Variants in TOX2 observed in about 807,000 individuals in gnomAD.
The protein encoded by TOX2 is granulosa cell HMG box 1.
In TOX2, 15 loss-of-function variants were observed where a neutral mutation model predicts 47.4. The ratio of observed to expected loss-of-function variants is 0.32; its 90% CI spans 0.21 to 0.49. The LOEUF (loss-of-function observed/expected upper bound fraction) is 0.49, where lower values mean the gene tolerates loss of function less well. TOX2 is among the 20% of genes least tolerant of loss of function. TOX2 has a pLI of 0.99. For missense variants in TOX2, 622 were observed against 673.1 expected, an observed-to-expected ratio of 0.92 and a Z score of 0.84; for synonymous variants, 290 against 296.6, an observed-to-expected ratio of 0.98 and a Z score of 0.23.
At chr20:44,034,121 G>A (rs2071200745) in intron 3 of TOX2, among the ~76,000 whole-genome samples, 1 of 152,118 alleles carries the variant, frequency 6.6e-6, no homozygotes, top group Non-Finnish European at 1.5e-5. Context: ...CAGGCTCCAG[G>A]CAGCTTGCAG....
intron 8 of TOX2, among the ~76,000 whole-genome samples, chr20:44,068,265 A>G (rs1467049390): frequency 6.6e-6 from 1 of 151,962 alleles, no homozygotes; most frequent in Middle Eastern, 3.4e-3. Context: ...TGGAGGTCAG[A>G]CCCCAGCAGG....
At chr20:43,955,722 C>A (rs1261891225) in intron 1 of TOX2, among the ~76,000 whole-genome samples, 1 of 152,218 alleles carries the variant, frequency 6.6e-6, no homozygotes, top group Non-Finnish European at 1.5e-5. Context: ...TGGCTCCAAA[C>A]CTGCTTCTCA....
At chr20:44,022,452 G>A (rs901306721) in intron 3 of TOX2, among the ~76,000 whole-genome samples, 1 of 152,230 alleles carries the variant, frequency 6.6e-6, no homozygotes, top group Non-Finnish European at 1.5e-5. Context: ...TTACGTGTGA[G>A]CTGTCTCTTT....
intron 1 of TOX2, among the ~76,000 whole-genome samples, chr20:43,925,388 GT>G (rs895982060): frequency 4.6e-5 from 7 of 152,262 alleles, no homozygotes; most frequent in African/African-American, 1.7e-4. Flanking sequence ...CTCTATTGCG[GT>G]GTGGGATGAG....
At chr20:44,060,202 C>T (rs1352813598) in intron 5 of TOX2, among the ~76,000 whole-genome samples, 4 of 152,012 alleles carry the variant, frequency 2.6e-5, no homozygotes, top group South Asian at 2.1e-4. Flanking sequence ...GAAAATATCA[C>T]GATCCTAAAT....
Position 44,019,386 on chromosome 20 carries a change from C to T in TOX2, c.411+12594C>T, listed in dbSNP as rs115017761. ...GGATGGGACCCTGATTCTTTTGACCCCAAGTGCTTTATGTCCTCAACACAA... is the reference window on the plus strand; with the variant it reads ...GGATGGGACCCTGATTCTTTTGACCTCAAGTGCTTTATGTCCTCAACACAA... On this transcript the variant is annotated intron_variant, in intron 3 of 8. Coordinates refer to ENST00000341197, the MANE Select transcript of TOX2 (RefSeq NM_001098797.2). Among the ~76,000 whole-genome samples, 884 of 152,318 alleles carry T rather than the reference C, an allele frequency of 5.8e-3. 9 individuals are homozygous for T. The highest frequency in any genetic ancestry group is 0.02 in the African/African-American group (829 of 41,562).
chr20:44,044,975 A>C (rs1362973670), intron 3 of TOX2, among the ~76,000 whole-genome samples: 1 of 152,226 alleles, frequency 6.6e-6, no homozygotes, highest in Admixed American at 6.5e-5. Context: ...ACGTGGATGA[A>C]CCTTGAGTAC....
chr20:43,978,763 T>TTGTG (rs9305120), intron 2 of TOX2, among the ~76,000 whole-genome samples: 3,086 of 146,578 alleles, frequency 0.021, 50 homozygotes, highest in African/African-American at 0.029. Flanking sequence ...TTGAAAGAAC[T>TTGTG]TGTGTGTGTG....
At chr20:44,011,313 C>G (rs1334499782) in intron 3 of TOX2, among the ~76,000 whole-genome samples, 1 of 152,184 alleles carries the variant, frequency 6.6e-6, no homozygotes, top group Admixed American at 6.5e-5. Flanking sequence ...CACTAGGTAC[C>G]AGGCATTGTT....
At position 44,069,077 on chromosome 20, in the gene TOX2, C is replaced by T. The variant is rs146249443; in HGVS notation, c.*391C>T. Reference sequence around the variant, plus strand: ...ACCCCAGATGCATGGGCCAGAGGGCCGGCCCCCGGCATAGATGTGCACATC... The same window carrying T: ...ACCCCAGATGCATGGGCCAGAGGGCTGGCCCCCGGCATAGATGTGCACATC... On this transcript the variant is annotated 3_prime_UTR_variant, in exon 9 of 9. Transcript: ENST00000341197. 263 of 384,870 alleles carry T rather than the reference C, an allele frequency of 6.8e-4. 4 individuals carry two copies. The East Asian group carries it at 7.7e-3, about 11-fold the overall frequency. The allele number at this position is 384,870 out of a possible 1,614,324, so 23.8% of individuals were successfully genotyped here. A position where few individuals can be genotyped will look rare whatever the true frequency, so the allele number is the denominator to read the frequency against.
chr20:44,062,918 T>G (rs926974281), intron 5 of TOX2, among the ~76,000 whole-genome samples: 1 of 152,116 alleles, frequency 6.6e-6, no homozygotes, highest in African/African-American at 2.4e-5. Context: ...AAATGGTGCT[T>G]GGATAATTGG....
At chr20:44,001,119 G>A (rs1236913749) in intron 2 of TOX2, among the ~76,000 whole-genome samples, 3 of 152,158 alleles carry the variant, frequency 2.0e-5, no homozygotes, top group East Asian at 1.9e-4. Flanking sequence ...TTACGACTTA[G>A]CATCTCTTTC....
intron 2 of TOX2, 30 bp from the exon 3 acceptor site, chr20:44,006,517 C>G: frequency 6.3e-7 from 1 of 1,584,560 alleles, no homozygotes; most frequent in Non-Finnish European, 8.6e-7. Context: ...AGGCACTGAC[C>G]CCCACCGACA....
At chr20:44,048,766 G>A (rs986252860) in intron 3 of TOX2, among the ~76,000 whole-genome samples, 1 of 151,436 alleles carries the variant, frequency 6.6e-6, no homozygotes, top group Admixed American at 6.6e-5. Context: ...AAAAAAAAAT[G>A]AGACAAAAAA....
intron 2 of TOX2, among the ~76,000 whole-genome samples, chr20:43,977,519 A>G (rs565693405): frequency 6.6e-4 from 101 of 152,114 alleles, no homozygotes; most frequent in Non-Finnish European, 1.3e-3. Context: ...CCCCTAGGGT[A>G]TGTATTAGCT....
At chr20:43,941,014 T>C (rs1303266723) in intron 1 of TOX2, among the ~76,000 whole-genome samples, 2 of 152,182 alleles carry the variant, frequency 1.3e-5, no homozygotes, top group East Asian at 3.8e-4. Context: ...AGAGCTAAAA[T>C]TGAACTTGGC....
intron 2 of TOX2, among the ~76,000 whole-genome samples, chr20:43,987,763 G>C (rs1436430314): frequency 6.6e-6 from 1 of 152,122 alleles, no homozygotes; most frequent in Non-Finnish European, 1.5e-5. Context: ...CATAATGGAT[G>C]ATGAGCTGTG....
intron 1 of TOX2, among the ~76,000 whole-genome samples, chr20:43,961,088 G>A (rs576834245): frequency 5.3e-5 from 8 of 152,368 alleles, no homozygotes; most frequent in Non-Finnish European, 7.3e-5. Flanking sequence ...ATATTATGGC[G>A]CTAGGGTCCA....
intron 2 of TOX2, among the ~76,000 whole-genome samples, chr20:44,005,938 T>TG (rs1476996657): frequency 1.3e-5 from 2 of 149,818 alleles, no homozygotes; most frequent in Non-Finnish European, 3.0e-5. Flanking sequence ...TTTGGCGAGG[T>TG]GGGAAAAAAA....
Sources: gnomAD v4.1 joint callset for allele counts (sites outside exome capture counted in the v4.1 genomes callset) on GRCh38, gnomAD v4.1.1 for gene constraint, MANE v1.5 for transcripts, NCBI Gene and HGNC (gene_info 2026-07-23, HGNC 2026-07-21) for gene names.